The following CTNNA3 variants were observed in gnomAD, a reference collection of about 807,000 sequenced individuals.
The protein encoded by CTNNA3 is catenin alpha-3.
A neutral mutation model predicts 95.7 loss-of-function variants in CTNNA3; 76 were observed. The observed-to-expected ratio is 0.79, with a 90% CI of 0.66 to 0.96. The LOEUF (loss-of-function observed/expected upper bound fraction) is 0.96. Among genes scored for constraint, CTNNA3 ranks in the 40% least tolerant of loss-of-function variants. The probability of loss-of-function intolerance (pLI) is 0.00; values close to 1 mark genes in which losing one functional copy is unlikely to be tolerated. For missense variants in CTNNA3, 1,191 were observed against 1,089.8 expected, an observed-to-expected ratio of 1.09 and a Z score of -1.31; for synonymous variants, 431 against 374.4, an observed-to-expected ratio of 1.15 and a Z score of -1.74.
intron 7 of CTNNA3, among the ~76,000 whole-genome samples, chr10:67,113,349 A>T (rs12761904): frequency 6.6e-6 from 1 of 152,092 alleles, no homozygotes; most frequent in Non-Finnish European, 1.5e-5. Flanking sequence ...CATCTTTTAA[A>T]ATTTTAGTTC....
chr10:67,658,122 C>A (rs1321283496), intron 1 of CTNNA3, among the ~76,000 whole-genome samples: 2 of 152,204 alleles, frequency 1.3e-5, no homozygotes, highest in Non-Finnish European at 2.9e-5. Flanking sequence ...TGATTATCAG[C>A]ATCAGCTTTA....
At chr10:66,515,345 C>CTCTCTCTCTATATATATATATA (rs558913767) in intron 11 of CTNNA3, among the ~76,000 whole-genome samples, 1 of 148,894 alleles carries the variant, frequency 6.7e-6, no homozygotes, top group Non-Finnish European at 1.5e-5. Context: ...CTCTCTCTCT[C>CTCTCTCTCTATATATATATATA]TATATATATA....
intron 7 of CTNNA3, among the ~76,000 whole-genome samples, chr10:66,818,247 C>A (rs909656068): frequency 6.6e-6 from 1 of 152,138 alleles, no homozygotes. Flanking sequence ...CTACTCTCAT[C>A]ACTTTGACTT....
chr10:66,537,287 A>G (rs922744242), intron 10 of CTNNA3, among the ~76,000 whole-genome samples: 2 of 152,278 alleles, frequency 1.3e-5, no homozygotes, highest in African/African-American at 4.8e-5. Context: ...AATTACAGTC[A>G]CAAAGACCAG....
At chr10:66,527,696 CTAT>C (rs1397140505) in intron 10 of CTNNA3, among the ~76,000 whole-genome samples, 1 of 152,008 alleles carries the variant, frequency 6.6e-6, no homozygotes, top group Non-Finnish European at 1.5e-5. Flanking sequence ...TCGTATGATG[CTAT>C]TATTAAGTGA....
intron 1 of CTNNA3, among the ~76,000 whole-genome samples, chr10:67,726,390 AT>A (rs1390789590): frequency 1.1e-4 from 4 of 35,310 alleles, no homozygotes; most frequent in Non-Finnish European, 2.0e-4. Flanking sequence ...ATGAAATTAT[AT>A]ATATTATATA....
At chr10:67,317,945 CT>C in intron 5 of CTNNA3, among the ~76,000 whole-genome samples, 1 of 152,004 alleles carries the variant, frequency 6.6e-6, no homozygotes, top group South Asian at 2.1e-4. Context: ...GCTTAATAAA[CT>C]TTTTCTTTGT....
chr10:67,712,250 C>T (rs926426179), intron 1 of CTNNA3, among the ~76,000 whole-genome samples: 9 of 152,142 alleles, frequency 5.9e-5, no homozygotes, highest in Admixed American at 4.6e-4. Flanking sequence ...AGTAAAAAAG[C>T]TTGGAAAATT....
chr10:67,638,523 C>T (rs1839406461), intron 2 of CTNNA3, among the ~76,000 whole-genome samples: 1 of 152,196 alleles, frequency 6.6e-6, no homozygotes, highest in African/African-American at 2.4e-5. Flanking sequence ...TAGACATCTA[C>T]AGAGCTCTCC....
rs948448777 is a variant in CTNNA3, at chr10:67,040,061, CT to C, written c.1047+140255del. Among the ~76,000 whole-genome samples the C allele has an allele frequency of 1.8e-4, 27 of 151,944 alleles. 1 individual carries two copies. The South Asian group carries it at 4.0e-3, about 22-fold the overall frequency. ...ACACTCCACACCCATTCATCTCTCT[CT>C]TTTTTTTGGTAGTGTAATGAGTACA... is the stretch of plus-strand genomic sequence containing the variant. On this transcript the variant is annotated intron_variant, in intron 7 of 17. Coordinates refer to ENST00000433211, the MANE Select transcript of CTNNA3 (RefSeq NM_013266.4).
chr10:66,428,919 G>T (rs1183141306), intron 11 of CTNNA3, among the ~76,000 whole-genome samples: 6 of 152,084 alleles, frequency 3.9e-5, no homozygotes, highest in South Asian at 2.1e-4. Flanking sequence ...AGAACTGAAG[G>T]AGATAGAGAC....
At chr10:67,050,617 T>A (rs1384048259) in intron 7 of CTNNA3, among the ~76,000 whole-genome samples, 1 of 152,196 alleles carries the variant, frequency 6.6e-6, no homozygotes, top group Admixed American at 6.5e-5. Flanking sequence ...CTAGGCTCTT[T>A]GGTACGCTGA....
At chr10:66,850,697 A>C (rs1247171310) in intron 7 of CTNNA3, among the ~76,000 whole-genome samples, 1 of 151,966 alleles carries the variant, frequency 6.6e-6, no homozygotes, top group East Asian at 1.9e-4. Context: ...TGTGAAATAT[A>C]AGAAAGCACA....
chr10:66,493,626 G>A (rs1184157636), intron 11 of CTNNA3, among the ~76,000 whole-genome samples: 3 of 99,940 alleles, frequency 3.0e-5, no homozygotes, highest in East Asian at 1.1e-3. Flanking sequence ...TTTTGAGACC[G>A]AGTCTCGCTC....
intron 7 of CTNNA3, among the ~76,000 whole-genome samples, chr10:67,088,197 G>T (rs1857418820): frequency 6.6e-6 from 1 of 151,200 alleles, no homozygotes; most frequent in African/African-American, 2.4e-5. Flanking sequence ...TGCTAGGCAT[G>T]TATTGGAATG....
intron 12 of CTNNA3, among the ~76,000 whole-genome samples, chr10:66,340,810 A>T (rs1384187187): frequency 1.3e-5 from 2 of 151,756 alleles, no homozygotes; most frequent in African/African-American, 4.8e-5. Context: ...AATGTGGCGA[A>T]AAAAAGGTGA....
At chr10:66,509,582 A>G (rs1013054036) in intron 11 of CTNNA3, among the ~76,000 whole-genome samples, 1 of 151,978 alleles carries the variant, frequency 6.6e-6, no homozygotes, top group African/African-American at 2.4e-5. Flanking sequence ...TCTTCTGCAT[A>G]TGAATATCCA....
chr10:66,479,952 A>ACACACACG (rs1839460122), intron 11 of CTNNA3, among the ~76,000 whole-genome samples: 1 of 148,924 alleles, frequency 6.7e-6, no homozygotes, highest in African/African-American at 2.5e-5. Context: ...CAAAGCATTC[A>ACACACACG]CACACACACA....
At chr10:66,729,573 T>C (rs984397008) in intron 9 of CTNNA3, among the ~76,000 whole-genome samples, 8 of 144,182 alleles carry the variant, frequency 5.5e-5, no homozygotes, top group African/African-American at 2.0e-4. Context: ...TTCTCACTTA[T>C]AAGTGGGAGC....
Sources: gnomAD v4.1 joint callset for allele counts (sites outside exome capture counted in the v4.1 genomes callset) on GRCh38, gnomAD v4.1.1 for gene constraint, MANE v1.5 for transcripts, NCBI Gene and HGNC (gene_info 2026-07-23, HGNC 2026-07-21) for gene names.